The following SETD2 variants were observed in gnomAD, a reference collection of about 807,000 sequenced individuals.
The protein encoded by SETD2 is SET domain containing 2, histone lysine methyltransferase.
A neutral mutation model predicts 242.1 loss-of-function variants in SETD2; 31 were observed. The observed-to-expected ratio is 0.13, with a 90% confidence interval of 0.10 to 0.17. The LOEUF (loss-of-function observed/expected upper bound fraction) is 0.17, where lower values mean the gene tolerates loss of function less well. SETD2 is among the 10% of genes least tolerant of loss of function. The pLI, the probability that SETD2 is intolerant of heterozygous loss-of-function variation, is 1.00. For synonymous variants in SETD2, 1,006 were observed against 1,066.5 expected (o/e 0.94, Z 1.11); for missense variants, 2,481 against 3,046.3 (o/e 0.81, Z 4.37).
chr3:47,104,443 G>A (rs2042331678), intron 6 of SETD2, among the ~76,000 whole-genome samples: 1 of 152,000 alleles, frequency 6.6e-6, no homozygotes, highest in African/African-American at 2.4e-5. Flanking sequence ...AGGAGACTGA[G>A]GTGGGAGGAC....
At chr3:47,099,186 T>C (rs1305786895) in intron 8 of SETD2, among the ~76,000 whole-genome samples, 1 of 151,748 alleles carries the variant, frequency 6.6e-6, no homozygotes, top group Non-Finnish European at 1.5e-5. Flanking sequence ...GTCTGGTAAC[T>C]GTCACCAGAC....
At chr3:47,027,614 C>A (rs1413477017) in intron 18 of SETD2, among the ~76,000 whole-genome samples, 2 of 151,844 alleles carry the variant, frequency 1.3e-5, no homozygotes. Flanking sequence ...GAAGTCACTG[C>A]AAATGGGTAT....
chr3:47,113,161 T>G (rs11130114), intron 5 of SETD2, among the ~76,000 whole-genome samples: 84,649 of 151,134 alleles, frequency 0.56, 23,872 homozygotes, highest in Non-Finnish European at 0.58. Flanking sequence ...TAGAATGCAG[T>G]GGCGTGATCA....
chr3:47,089,103 C>G (rs557216734), intron 9 of SETD2, among the ~76,000 whole-genome samples: 5 of 152,112 alleles, frequency 3.3e-5, no homozygotes, highest in Admixed American at 6.6e-5. Context: ...TTTTTATGCA[C>G]CTCAAAGCTG....
At chr3:47,157,407 T>TA (rs1425858232) in intron 1 of SETD2, 5 of 440,912 alleles carry the variant, frequency 1.1e-5, no homozygotes, top group South Asian at 8.1e-5. Flanking sequence ...TCCCTAAAAA[T>TA]AAAAAATTAA....
intron 2 of SETD2, 67 bp from the exon 3 acceptor site, chr3:47,124,615 TTAAA>T: frequency 7.5e-7 from 1 of 1,332,516 alleles, no homozygotes; most frequent in Non-Finnish European, 1.0e-6. Context: ...ACTGCACAGT[TTAAA>T]ATGTTTACTG....
At chr3:47,116,327 CTAGGACATAAATATTA>C (rs1559736360) in intron 4 of SETD2, among the ~76,000 whole-genome samples, 1 of 152,044 alleles carries the variant, frequency 6.6e-6, no homozygotes, top group Non-Finnish European at 1.5e-5. Context: ...ACATTTACCT[CTAGGACATAAATATTA>C]TAAAAGATAA....
chr3:47,042,113 G>T (rs2039306669), intron 17 of SETD2, among the ~76,000 whole-genome samples: 4 of 152,138 alleles, frequency 2.6e-5, no homozygotes, highest in Non-Finnish European at 5.9e-5. Flanking sequence ...AGCACTTTGG[G>T]AGGCCAAGGC....
intron 8 of SETD2, among the ~76,000 whole-genome samples, chr3:47,099,224 A>C (rs1382384028): frequency 6.6e-6 from 1 of 152,212 alleles, no homozygotes; most frequent in Non-Finnish European, 1.5e-5. Flanking sequence ...TTAAAACCTC[A>C]TCATATGGTA....
chr3:47,033,548 A>T (rs1328428084), intron 18 of SETD2, among the ~76,000 whole-genome samples: 2 of 152,196 alleles, frequency 1.3e-5, no homozygotes, highest in East Asian at 3.9e-4. Flanking sequence ...AGTATAGAGA[A>T]GTTAATCTGA....
At chr3:47,089,628 T>C (rs1012358788) in intron 9 of SETD2, among the ~76,000 whole-genome samples, 1 of 152,200 alleles carries the variant, frequency 6.6e-6, no homozygotes, top group Non-Finnish European at 1.5e-5. Context: ...CCAAAGGTTA[T>C]TTCCAGCCCT....
At chr3:47,144,173 T>C (rs1259018182) in intron 1 of SETD2, among the ~76,000 whole-genome samples, 1 of 152,086 alleles carries the variant, frequency 6.6e-6, no homozygotes, top group Non-Finnish European at 1.5e-5. Flanking sequence ...ACAAAGTAAA[T>C]GTATACCTCA....
chr3:47,108,069 G>C (rs2042508211), intron 5 of SETD2, among the ~76,000 whole-genome samples: 1 of 151,936 alleles, frequency 6.6e-6, no homozygotes. Flanking sequence ...ACTTAAGCCT[G>C]GGAGTTTCCG....
Position 47,123,428 on chromosome 3 carries a change from C to T in SETD2, c.1208G>A (p.Ser403Asn), listed in dbSNP as rs1196156010. The T allele has an allele frequency of 1.2e-5, 19 of 1,551,538 alleles. No homozygotes were observed. In the East Asian group the frequency reaches 4.4e-4, roughly 36 times the overall value. ...TCTCTCAGACCTAGAGTGAGATCTG[C>T]TCCGCCGTCGCTCTCTTTCTGATCT... ...RCRSERERRR[S>N]RSHSRSERGS... The change falls in exon 3 of 21, where the codon AGC becomes AAC. Residue 403 changes from serine (S) to asparagine (N), a missense_variant. Transcript: ENST00000409792.
intron 3 of SETD2, chr3:47,119,563 T>C (rs984216220): frequency 4.2e-6 from 1 of 237,370 alleles, no homozygotes; most frequent in Non-Finnish European, 8.6e-6. Flanking sequence ...TCACACAAGA[T>C]CTGATGGGTT....
In SETD2 at chr3:47,157,527, C is replaced by T. The variant is rs78095423; in HGVS notation, c.71+6327G>A. The T allele has an allele frequency of 2.2e-3, 982 of 455,984 alleles. 10 individuals are homozygous for T. The highest frequency in any genetic ancestry group is 0.014 in the Admixed American group (579 of 42,552). 28.2% of individuals were successfully genotyped at this position (455,984 alleles called of 1,614,324 possible). A position where few individuals can be genotyped will look rare whatever the true frequency, so the allele number is the denominator to read the frequency against. On this transcript the variant is annotated intron_variant, in intron 1 of 20. Transcript: ENST00000409792. ...AATTTGCCATACTTTCACATCATGG[C>T]GCCTCATAAGTACCGTTCTTTCTAG... is the stretch of plus-strand genomic sequence containing the variant.
At chr3:47,118,228 A>G (rs149941715) in intron 3 of SETD2, among the ~76,000 whole-genome samples, 5 of 152,370 alleles carry the variant, frequency 3.3e-5, no homozygotes, top group Middle Eastern at 3.4e-3. Context: ...ACTTAGCTAC[A>G]ATTTTGAAGA....
At chr3:47,097,589 G>A (rs2042057159) in intron 9 of SETD2, among the ~76,000 whole-genome samples, 2 of 152,152 alleles carry the variant, frequency 1.3e-5, no homozygotes, top group South Asian at 4.1e-4. Context: ...TCAGAGATTT[G>A]AAGAACACTC....
intron 13 of SETD2, among the ~76,000 whole-genome samples, chr3:47,064,002 A>G (rs1462298197): frequency 2.0e-5 from 3 of 151,712 alleles, no homozygotes; most frequent in Admixed American, 6.6e-5. Flanking sequence ...AAAAAAAACA[A>G]CAACTACTAA....
Sources: allele counts gnomAD v4.1 joint callset (sites outside exome capture counted in the v4.1 genomes callset), GRCh38; gene constraint gnomAD v4.1.1; transcripts MANE v1.5; gene names NCBI Gene and HGNC (gene_info 2026-07-23, HGNC 2026-07-21).